Variants in CNTNAP2 observed in about 807,000 individuals in gnomAD.
CNTNAP2 encodes contactin associated protein 2.
Under a neutral mutation model 155.2 loss-of-function variants are expected in CNTNAP2, and 98 were observed. The observed-to-expected ratio is 0.63, with a 90% confidence interval of 0.54 to 0.75. The LOEUF (loss-of-function observed/expected upper bound fraction) is 0.75, where lower values mean the gene tolerates loss of function less well. CNTNAP2 is among the 30% of genes least tolerant of loss of function. The pLI is 0.00. For synonymous variants in CNTNAP2, 651 were observed against 631.2 expected (o/e 1.03, Z -0.47); for missense variants, 1,727 against 1,688.1 (o/e 1.02, Z -0.40).
intron 14 of CNTNAP2, among the ~76,000 whole-genome samples, chr7:147,906,320 G>A (rs1191199531): frequency 6.6e-6 from 1 of 151,800 alleles, no homozygotes; most frequent in Non-Finnish European, 1.5e-5. Context: ...GCTGGCACCT[G>A]CCACCATGCC....
At chr7:146,822,875 A>AGCATATTTACATGGAAATATACTCG (rs1803317579) in intron 2 of CNTNAP2, among the ~76,000 whole-genome samples, 2 of 145,474 alleles carry the variant, frequency 1.4e-5, no homozygotes, top group African/African-American at 5.3e-5. Context: ...AAATATACTC[A>AGCATATTTACATGGAAATATACTCG]TTCTTCAGCA....
At chr7:147,850,817 C>G (rs1266591359) in intron 13 of CNTNAP2, among the ~76,000 whole-genome samples, 1 of 152,156 alleles carries the variant, frequency 6.6e-6, no homozygotes, top group South Asian at 2.1e-4. Context: ...ACCATAAAAA[C>G]TCTAGAAGAA....
At chr7:147,091,574 C>T (rs1243751302) in intron 4 of CNTNAP2, among the ~76,000 whole-genome samples, 5 of 151,940 alleles carry the variant, frequency 3.3e-5, no homozygotes, top group South Asian at 2.1e-4. Flanking sequence ...GCCTCAGCTT[C>T]CCTAGTAGCT....
intron 15 of CNTNAP2, among the ~76,000 whole-genome samples, chr7:148,060,594 C>T (rs1803111137): frequency 6.6e-6 from 1 of 152,210 alleles, no homozygotes; most frequent in South Asian, 2.1e-4. Flanking sequence ...AACATAGTAA[C>T]TCTTGTTACA....
At chr7:147,786,869 T>C (rs1277296389) in intron 13 of CNTNAP2, among the ~76,000 whole-genome samples, 1 of 152,046 alleles carries the variant, frequency 6.6e-6, no homozygotes, top group East Asian at 1.9e-4. Context: ...CTCATGAAAC[T>C]GAGGTGGGAG....
intron 3 of CNTNAP2, among the ~76,000 whole-genome samples, chr7:146,876,082 C>CT (rs1795422823): frequency 6.6e-6 from 1 of 151,194 alleles, no homozygotes; most frequent in Admixed American, 6.6e-5. Context: ...GCCTGTTTAA[C>CT]TTTGTTTGGC....
chr7:146,219,428 C>T (rs776120067), intron 1 of CNTNAP2, among the ~76,000 whole-genome samples: 5 of 152,148 alleles, frequency 3.3e-5, no homozygotes, highest in African/African-American at 9.7e-5. Context: ...GCTGAGGTAA[C>T]ACTTCACTAT....
intron 1 of CNTNAP2, among the ~76,000 whole-genome samples, chr7:146,509,866 T>TC (rs1302540307): frequency 6.6e-6 from 1 of 152,156 alleles, no homozygotes; most frequent in African/African-American, 2.4e-5. Context: ...TCCAGGTGCT[T>TC]CAGTGCCTTA....
chr7:148,405,637 G>C (rs1386312036), intron 22 of CNTNAP2, among the ~76,000 whole-genome samples: 1 of 20,826 alleles, frequency 4.8e-5, no homozygotes. Flanking sequence ...TTTTTTTTTT[G>C]AGACAGTCTC....
intron 8 of CNTNAP2, among the ~76,000 whole-genome samples, chr7:147,224,445 T>C (rs908000361): frequency 2.6e-5 from 4 of 152,174 alleles, no homozygotes; most frequent in Admixed American, 6.5e-5. Context: ...GCCTAAAATA[T>C]TTACTATAAC....
At chr7:146,192,199 A>G (rs4445148) in intron 1 of CNTNAP2, among the ~76,000 whole-genome samples, 44,377 of 152,012 alleles carry the variant, frequency 0.29, 7,372 homozygotes, top group African/African-American at 0.45. Context: ...CACAACAACC[A>G]ATAACTTTAT....
intron 1 of CNTNAP2, among the ~76,000 whole-genome samples, chr7:146,309,537 C>T (rs994817932): frequency 1.3e-5 from 2 of 152,192 alleles, no homozygotes; most frequent in South Asian, 2.1e-4. Flanking sequence ...CGCGGTGGCT[C>T]ATGCATGTAA....
intron 8 of CNTNAP2, among the ~76,000 whole-genome samples, chr7:147,242,976 C>T (rs1694808994): frequency 9.5e-6 from 1 of 105,642 alleles, no homozygotes; most frequent in Non-Finnish European, 1.8e-5. Context: ...GTATTCCACA[C>T]TATGCTTTGC....
intron 1 of CNTNAP2, among the ~76,000 whole-genome samples, chr7:146,576,327 A>G (rs1473173089): frequency 1.3e-5 from 2 of 152,228 alleles, no homozygotes; most frequent in Admixed American, 1.3e-4. Flanking sequence ...TTTCCCAACC[A>G]GCTTACATCT....
intron 9 of CNTNAP2, among the ~76,000 whole-genome samples, chr7:147,339,558 A>AAATAACTCAG (rs1795724584): frequency 6.6e-6 from 1 of 152,150 alleles, no homozygotes; most frequent in Non-Finnish European, 1.5e-5. Context: ...AGCCTCAGGT[A>AAATAACTCAG]TTCTGTTATT....
Position 146,860,244 on chromosome 7 carries a change from G to C in CNTNAP2, c.402+20340G>C, listed in dbSNP as rs560776953. On this transcript the variant is annotated intron_variant, in intron 3 of 23. Coordinates refer to ENST00000361727, the MANE Select transcript of CNTNAP2 (RefSeq NM_014141.6). The stretch of plus-strand genomic sequence containing the variant: ...TGATTATGCAGTATGTTTTTAAAAA[G>C]TGGTTGAGGGTGGTGAGACAGAGGG... 2.0e-5 allele frequency among the ~76,000 whole-genome samples: 3 copies of C among 152,296 alleles called. No individual in the cohort carries two copies. In the South Asian group the frequency reaches 6.2e-4, roughly 32 times the overall value.
chr7:147,877,744 G>C (rs887202973), intron 13 of CNTNAP2, among the ~76,000 whole-genome samples: 4 of 151,694 alleles, frequency 2.6e-5, no homozygotes, highest in Middle Eastern at 3.2e-3. Context: ...CATTGTTTTT[G>C]TTTGTTTGTT....
intron 3 of CNTNAP2, among the ~76,000 whole-genome samples, chr7:147,026,670 G>T (rs1798927899): frequency 6.7e-6 from 1 of 149,810 alleles, no homozygotes; most frequent in African/African-American, 2.5e-5. Context: ...CGTTTCTCCT[G>T]GTTAGTTTCA....
intron 11 of CNTNAP2, among the ~76,000 whole-genome samples, chr7:147,525,805 T>A (rs1584791652): frequency 1.3e-5 from 2 of 152,196 alleles, no homozygotes. Context: ...CATATTCCGA[T>A]ATGTTGTTTC....
Sources: gnomAD v4.1 joint callset for allele counts (sites outside exome capture counted in the v4.1 genomes callset) on GRCh38, gnomAD v4.1.1 for gene constraint, MANE v1.5 for transcripts, NCBI Gene and HGNC (gene_info 2026-07-23, HGNC 2026-07-21) for gene names.